Variants in COA1 observed in about 807,000 individuals in gnomAD.
COA1 encodes the protein cytochrome c oxidase assembly factor 1, also known as cytochrome c oxidase assembly factor 1 homolog.
In COA1, 13 loss-of-function variants were observed where a neutral mutation model predicts 16.0. The ratio of observed to expected loss-of-function variants is 0.81; its 90% confidence interval spans 0.53 to 1.29. COA1 has a LOEUF of 1.29. Among genes scored for constraint, COA1 ranks in the 50% most tolerant of loss-of-function variants. The pLI is 0.00. For missense variants in COA1, 179 were observed against 177.0 expected (o/e 1.01, Z -0.06); for synonymous variants, 65 against 65.7 (o/e 0.99, Z 0.05).
At position 43,721,916 on chromosome 7, in the gene COA1, T is replaced by C. The variant is rs1007144608; in HGVS notation, c.-39+7513A>G. 5.9e-5 allele frequency among the ~76,000 whole-genome samples: 9 copies of C among 152,104 alleles called. No homozygotes were observed. In the East Asian group the frequency reaches 1.2e-3, roughly 20 times the overall value. ...TCAAAGGCTTGAAGCCCAAAAAACATTAGAAAGATTCTAATGTAATACTGC... is the reference window on the plus strand; with the variant it reads ...TCAAAGGCTTGAAGCCCAAAAAACACTAGAAAGATTCTAATGTAATACTGC... On this transcript the variant is annotated intron_variant, in intron 1 of 5. Transcript: ENST00000223336.
At chr7:43,701,228 G>C (rs2094724771) in intron 1 of COA1, among the ~76,000 whole-genome samples, 1 of 152,018 alleles carries the variant, frequency 6.6e-6, no homozygotes, top group Non-Finnish European at 1.5e-5. Flanking sequence ...GTACCCAATA[G>C]GTAGTTTTTT....
chr7:43,701,579 G>A (rs1585191340), intron 1 of COA1, among the ~76,000 whole-genome samples: 1 of 152,194 alleles, frequency 6.6e-6, no homozygotes, highest in African/African-American at 2.4e-5. Context: ...ATGTACAAAT[G>A]TATGTGTCTT....
intron 1 of COA1, among the ~76,000 whole-genome samples, chr7:43,714,127 G>A (rs1160013679): frequency 6.6e-6 from 1 of 152,138 alleles, no homozygotes; most frequent in African/African-American, 2.4e-5. Context: ...CTTCCAGGTT[G>A]CAATGAGGTA....
intron 6 of COA1, among the ~76,000 whole-genome samples, chr7:43,627,367 G>T (rs2084676277): frequency 6.6e-6 from 1 of 152,112 alleles, no homozygotes; most frequent in South Asian, 2.1e-4. Flanking sequence ...GTATTAAAGG[G>T]TTATAAAGAT....
At chr7:43,650,816 C>CA (rs35734086) in intron 1 of COA1, 27,387 of 128,802 alleles carry the variant, frequency 0.21, 2,713 homozygotes, top group Non-Finnish European at 0.24. Context: ...CCCCCACCAC[C>CA]AAAAAAAAAA....
intron 1 of COA1, among the ~76,000 whole-genome samples, chr7:43,653,319 C>CA (rs954292010): frequency 1.3e-5 from 2 of 148,276 alleles, no homozygotes; most frequent in Non-Finnish European, 3.0e-5. Context: ...CTCAAACAAA[C>CA]AAAAAAAAAG....
chr7:43,643,765 G>C (rs115780591), intron 4 of COA1, among the ~76,000 whole-genome samples: 2 of 150,368 alleles, frequency 1.3e-5, no homozygotes, highest in African/African-American at 4.9e-5. Flanking sequence ...ATGGCTCCCC[G>C]TAGCCAGTCC....
intron 1 of COA1, among the ~76,000 whole-genome samples, chr7:43,691,667 C>G (rs2094375634): frequency 6.6e-6 from 1 of 152,162 alleles, no homozygotes; most frequent in Non-Finnish European, 1.5e-5. Context: ...TAAGAGGACA[C>G]CTGCTCTATC....
At chr7:43,705,176 T>C (rs779328486) in intron 1 of COA1, among the ~76,000 whole-genome samples, 4 of 152,216 alleles carry the variant, frequency 2.6e-5, no homozygotes, top group Non-Finnish European at 5.9e-5. Context: ...CCTACTGCTC[T>C]GAAGGAGCTG....
chr7:43,694,164 C>T (rs2094458395), intron 1 of COA1, among the ~76,000 whole-genome samples: 1 of 148,434 alleles, frequency 6.7e-6, no homozygotes, highest in Non-Finnish European at 1.5e-5. Flanking sequence ...TCCTCAGCCA[C>T]ATTCCAGCAA....
chr7:43,721,558 G>GC (rs1158478560), intron 1 of COA1, among the ~76,000 whole-genome samples: 2 of 152,102 alleles, frequency 1.3e-5, no homozygotes. Flanking sequence ...AAGAGGAAAA[G>GC]CAAGGATGTA....
chr7:43,689,945 T>C (rs2094199587), intron 1 of COA1, among the ~76,000 whole-genome samples: 1 of 152,092 alleles, frequency 6.6e-6, no homozygotes, highest in African/African-American at 2.4e-5. Context: ...CTAAAAATAC[T>C]AATTCAAAAG....
intron 1 of COA1, among the ~76,000 whole-genome samples, chr7:43,692,042 A>C (rs1463285195): frequency 6.6e-6 from 1 of 152,176 alleles, no homozygotes; most frequent in Non-Finnish European, 1.5e-5. Flanking sequence ...AGCTCCCCTC[A>C]GCTGTGGCCC....
At chr7:43,705,433 T>C (rs2094931643) in intron 1 of COA1, among the ~76,000 whole-genome samples, 1 of 152,036 alleles carries the variant, frequency 6.6e-6, no homozygotes, top group Non-Finnish European at 1.5e-5. Context: ...ACAGATACGG[T>C]CTTATGGCAA....
chr7:43,696,508 G>A (rs140443317), intron 1 of COA1, among the ~76,000 whole-genome samples: 46 of 152,132 alleles, frequency 3.0e-4, no homozygotes, highest in Admixed American at 2.2e-3. Context: ...TATAATAGAA[G>A]CATACAATGG....
At chr7:43,679,327 A>G (rs1254909590) in intron 1 of COA1, among the ~76,000 whole-genome samples, 2 of 152,002 alleles carry the variant, frequency 1.3e-5, no homozygotes, top group Non-Finnish European at 2.9e-5. Context: ...AAAAAAAAGT[A>G]CAAGGAGAAT....
intron 1 of COA1, among the ~76,000 whole-genome samples, chr7:43,717,935 A>G (rs1329247014): frequency 6.6e-6 from 1 of 152,214 alleles, no homozygotes; most frequent in Non-Finnish European, 1.5e-5. Flanking sequence ...TATGTAAGAC[A>G]GGACTTGCTC....
chr7:43,639,515 C>A lies in COA1; in HGVS notation c.*67G>T. ...TCTGTCACTGAGATGGGCCACCACC[C>A]CAGTGGCCATATGGTAGAGATGAGG... On this transcript the variant is annotated 3_prime_UTR_variant, in exon 6 of 6. Coordinates refer to ENST00000223336, the MANE Select transcript of COA1 (RefSeq NM_018224.4). 7.8e-7 allele frequency: 1 copy of A among 1,289,848 alleles called. No individual in the cohort carries two copies. 79.9% of individuals were successfully genotyped at this position (1,289,848 alleles called of 1,614,324 possible).
At chr7:43,671,329 A>G (rs2093246282) in intron 1 of COA1, among the ~76,000 whole-genome samples, 1 of 151,918 alleles carries the variant, frequency 6.6e-6, no homozygotes, top group Non-Finnish European at 1.5e-5. Flanking sequence ...AGAAAGTGAA[A>G]ACAACCCACA....
Sources: gnomAD v4.1 joint callset for allele counts (sites outside exome capture counted in the v4.1 genomes callset) on GRCh38, gnomAD v4.1.1 for gene constraint, MANE v1.5 for transcripts, NCBI Gene and HGNC (gene_info 2026-07-23, HGNC 2026-07-21) for gene names.